FAM171A2: variants seen among roughly 807,000 people sequenced by gnomAD.
The protein encoded by FAM171A2 is family with sequence similarity 171 member A2, also known as protein FAM171A2.
A neutral mutation model predicts 34.2 loss-of-function variants in FAM171A2; 13 were observed. The observed-to-expected ratio is 0.38, with a 90% confidence interval of 0.25 to 0.60. The LOEUF (loss-of-function observed/expected upper bound fraction) is 0.60, where lower values mean the gene tolerates loss of function less well. Ranked by LOEUF, FAM171A2 falls within the 20% of genes least tolerant of loss-of-function variation. The probability of loss-of-function intolerance (pLI) is 0.62; values close to 1 mark genes in which losing one functional copy is unlikely to be tolerated. For missense variants in FAM171A2, 950 were observed against 1,180.7 expected (o/e 0.80, Z 2.86); for synonymous variants, 475 against 561.2 (o/e 0.85, Z 2.17).
intron 3 of FAM171A2, among the ~76,000 whole-genome samples, chr17:44,357,333 G>A (rs1481007276): frequency 1.5e-4 from 21 of 141,900 alleles, no homozygotes; most frequent in African/African-American, 5.3e-4. Flanking sequence ...GGCATCAAGA[G>A]CGAAACTCCA....
chr17:44,358,802 C>T (rs892583608), intron 3 of FAM171A2: 9 of 152,228 alleles, frequency 5.9e-5, no homozygotes, highest in African/African-American at 1.7e-4. Context: ...GCCCTCTAAG[C>T]GGAATGGAGC....
Position 44,363,652 on chromosome 17 carries a change from G to A in FAM171A2, c.63C>T (p.Leu21=), listed in dbSNP as rs2048457573. 7.3e-6 allele frequency: 9 copies of A among 1,228,624 alleles called. No homozygotes were observed. The highest frequency in any genetic ancestry group is 9.1e-6 in the Non-Finnish European group (9 of 985,464). 76.1% of individuals were successfully genotyped at this position (1,228,624 alleles called of 1,614,324 possible). A position where few individuals can be genotyped will look rare whatever the true frequency, so the allele number is the denominator to read the frequency against. ...ARLLPLLGLL[L]GSASRAPGKS... Reference sequence around the variant, plus strand: ...TGCCGGGAGCCCGGGAGGCGCTGCCGAGCAGCAGCCCCAGCAGCGGCAACA... The same window carrying A: ...TGCCGGGAGCCCGGGAGGCGCTGCCAAGCAGCAGCCCCAGCAGCGGCAACA... The change falls in exon 1 of 8, where the codon CTC becomes CTT. Residue 21 remains leucine, a synonymous_variant. Coordinates refer to ENST00000293443, the MANE Select transcript of FAM171A2 (RefSeq NM_198475.3).
rs1442544487 is a variant in FAM171A2, at chr17:44,360,149, G to T, written c.119-17C>A. On this transcript the variant is annotated splice_polypyrimidine_tract_variant and intron_variant, in intron 1 of 7. Coordinates refer to ENST00000293443, the MANE Select transcript of FAM171A2 (RefSeq NM_198475.3). ...TCAGGATCTCTGTGGGCAAGATGGGGCAAAGGGAGTGAGGACGAGGGAGGG... is the reference window on the plus strand; with the variant it reads ...TCAGGATCTCTGTGGGCAAGATGGGTCAAAGGGAGTGAGGACGAGGGAGGG... 1.4e-5 allele frequency: 22 copies of T among 1,545,424 alleles called. No homozygotes were observed. Among genetic ancestry groups the T allele is most frequent in the Non-Finnish European group, 1.9e-5 (22 of 1,141,662 alleles).
At chr17:44,360,158 G>A (rs2048442509) in intron 1 of FAM171A2, 26 bp from the exon 2 acceptor site, 4 of 1,533,916 alleles carry the variant, frequency 2.6e-6, no homozygotes, top group East Asian at 4.9e-5. Flanking sequence ...GGCAAAGGGA[G>A]TGAGGACGAG....
In FAM171A2 at chr17:44,355,591, T is replaced by C. The variant is rs924583062; in HGVS notation, c.1022+124A>G. 1.2e-4 allele frequency: 168 copies of C among 1,365,452 alleles called. No homozygotes were observed. Among genetic ancestry groups the C allele is most frequent in the Non-Finnish European group, 1.6e-4 (158 of 1,007,404 alleles). 84.6% of individuals were successfully genotyped at this position (1,365,452 alleles called of 1,614,324 possible). A position where few individuals can be genotyped will look rare whatever the true frequency, so the allele number is the denominator to read the frequency against. On this transcript the variant is annotated intron_variant, in intron 7 of 7. Transcript: ENST00000293443. This position sits in a 1 kb window ranked among gnomAD's most constrained non-coding sequence, Gnocchi z 4.1. ...CCACCAGCACCAGCCCTTCAGGTCT[T>C]AGCATGTTTGCAGGAAGTCTTTTCC...
Position 44,353,325 on chromosome 17 carries a change from T to C in FAM171A2, c.*408A>G, listed in dbSNP as rs1255324858. On this transcript the variant is annotated 3_prime_UTR_variant, in exon 8 of 8. Coordinates refer to ENST00000293443, the MANE Select transcript of FAM171A2 (RefSeq NM_198475.3). The stretch of plus-strand genomic sequence containing the variant: ...GCCCTGTGACATCGTAGCCCAGAGA[T>C]GGGCTAGTCAGCAAGCAGCACCCCC... 1.7e-5 allele frequency: 3 copies of C among 178,862 alleles called. No individual in the cohort carries two copies. Among genetic ancestry groups the C allele is most frequent in the East Asian group, 3.1e-4 (2 of 6,420 alleles). The allele number at this position is 178,862 out of a possible 1,614,324, so 11.1% of individuals were successfully genotyped here. A position where few individuals can be genotyped will look rare whatever the true frequency, so the allele number is the denominator to read the frequency against.
In FAM171A2 at chr17:44,356,295, G is replaced by A; in HGVS notation, c.656C>T (p.Thr219Ile). 1 of 1,550,844 alleles carries A rather than the reference G, an allele frequency of 6.4e-7. No individual in the cohort carries two copies. The highest frequency in any genetic ancestry group is 2.4e-5 in the East Asian group (1 of 40,880). ...PLTAVSVHLL[T>I]GNGTEVPLSG... ...GAGCGGCACCTCTGTCCCATTACCT[G>A]TCAGCAGGTGCACGCTCACAGCAGT... Residue 219 changes from threonine (T) to isoleucine (I), a missense_variant, in exon 5 of 8, where the codon ACA becomes ATA. By Grantham distance (89) the Thr-to-Ile change is moderately conservative. Around this residue, in one of 3 missense-constraint regions of FAM171A2, gnomAD observed 752 missense variants for 924.5 expected, o/e 0.81. Coordinates refer to ENST00000293443, the MANE Select transcript of FAM171A2 (RefSeq NM_198475.3).
At position 44,363,770 on chromosome 17, in the gene FAM171A2, C is replaced by T. The variant is rs2048458156; in HGVS notation, c.-56G>A. On this transcript the variant is annotated 5_prime_UTR_variant, in exon 1 of 8. Transcript: ENST00000293443. Reference sequence around the variant, plus strand: ...TGGCTCCCGCCTGGTCCCGCTCGCCCGGCCCCGCGCAGCCCCAGCTCTGCG... The same window carrying T: ...TGGCTCCCGCCTGGTCCCGCTCGCCTGGCCCCGCGCAGCCCCAGCTCTGCG... 4 of 848,650 alleles carry T rather than the reference C, an allele frequency of 4.7e-6. No homozygotes were observed. Among genetic ancestry groups the T allele is most frequent in the African/African-American group, 3.6e-5 (2 of 56,134 alleles). The allele number at this position is 848,650 out of a possible 1,614,324, so 52.6% of individuals were successfully genotyped here.
chr17:44,359,686 G>A lies in FAM171A2; in HGVS notation c.347-15C>T, dbSNP rs1302656279. Reference sequence around the variant, plus strand: ...AGACGCATACACTGCGGGAGGGATGGCCGGTCAGCTCCAGGAAAACCCACC... The same window carrying A: ...AGACGCATACACTGCGGGAGGGATGACCGGTCAGCTCCAGGAAAACCCACC... On this transcript the variant is annotated splice_polypyrimidine_tract_variant and intron_variant, in intron 2 of 7. Coordinates refer to ENST00000293443, the MANE Select transcript of FAM171A2 (RefSeq NM_198475.3). 13 of 1,548,038 alleles carry A rather than the reference G, an allele frequency of 8.4e-6. No individual in the cohort carries two copies. The highest frequency in any genetic ancestry group is 1.7e-4 in the Middle Eastern group (1 of 5,930).
intron 3 of FAM171A2, among the ~76,000 whole-genome samples, chr17:44,357,249 A>G (rs938215981): frequency 2.0e-5 from 3 of 151,170 alleles, no homozygotes; most frequent in African/African-American, 7.3e-5. Context: ...CGTGAGGCTG[A>G]GGCAGGAGAA....
Position 44,359,987 on chromosome 17 carries a change from G to A in FAM171A2, c.264C>T (p.Arg88=). The A allele has an allele frequency of 1.9e-6, 3 of 1,551,732 alleles. No homozygotes were observed. The highest frequency in any genetic ancestry group is 1.7e-6 in the Non-Finnish European group (2 of 1,147,000). Residue 88 remains arginine, a synonymous_variant, in exon 2 of 8, where the codon CGC becomes CGT. Transcript: ENST00000293443. ...EGVATLPLSY[R]LGTWVLVTAA... ...CAGTGACCAGCACCCAGGTGCCCAAGCGATAACTGAGGGGCAGGGTGGCCA... is the reference window on the plus strand; with the variant it reads ...CAGTGACCAGCACCCAGGTGCCCAAACGATAACTGAGGGGCAGGGTGGCCA...
At chr17:44,362,992 G>A (rs2048453929) in intron 1 of FAM171A2, among the ~76,000 whole-genome samples, 1 of 152,170 alleles carries the variant, frequency 6.6e-6, no homozygotes, top group Non-Finnish European at 1.5e-5. Context: ...AGGCTCACAA[G>A]CATTTATTTG....
Position 44,354,478 on chromosome 17 carries a change from G to A in FAM171A2, c.1736C>T (p.Pro579Leu). ...APGPARAFPQPDPQRPQMPGH... is the reference protein window; with the variant it reads ...APGPARAFPQLDPQRPQMPGH... ...CGGCATCTGCGGGCGCTGGGGGTCG[G>A]GCTGGGGAAAAGCGCGCGCCGGGCC... is the stretch of plus-strand genomic sequence containing the variant. The change falls in exon 8 of 8, where the codon CCC becomes CTC. Residue 579 changes from proline to leucine, a missense_variant. By Grantham distance (98) the Pro-to-Leu change is moderately conservative (BLOSUM62 -3). Around this residue, in one of 3 missense-constraint regions of FAM171A2, gnomAD observed 752 missense variants for 924.5 expected, o/e 0.81. Transcript: ENST00000293443. This position sits in a 1 kb window ranked among gnomAD's most constrained non-coding sequence, Gnocchi z 5.8. 1 of 1,079,474 alleles carries A rather than the reference G, an allele frequency of 9.3e-7. No homozygotes were observed. The highest frequency in any genetic ancestry group is 1.1e-6 in the Non-Finnish European group (1 of 890,614). The allele number at this position is 1,079,474 out of a possible 1,614,324, so 66.9% of individuals were successfully genotyped here. A position where few individuals can be genotyped will look rare whatever the true frequency, so the allele number is the denominator to read the frequency against.
chr17:44,353,825 G>C lies in FAM171A2; in HGVS notation c.2389C>G (p.Leu797Val), dbSNP rs1452193327. 76 of 1,422,254 alleles carry C rather than the reference G, an allele frequency of 5.3e-5. No homozygotes were observed. The highest frequency in any genetic ancestry group is 7.0e-5 in the Non-Finnish European group (76 of 1,088,546). 88.1% of individuals were successfully genotyped at this position (1,422,254 alleles called of 1,614,324 possible). ...RDSLTSPEDE[L>V]GAEVGDEAGD... ...GCCTCGTCGCCCACCTCCGCCCCCA[G>C]CTCGTCCTCCGGGCTGGTGAGCGAG... Residue 797 changes from leucine to valine, a missense_variant, in exon 8 of 8, where the codon CTG becomes GTG. This residue lies in a region of FAM171A2 where 191 missense variants were observed against 222.8 expected (regional missense o/e 0.86). Transcript: ENST00000293443.
At chr17:44,358,225 G>A (rs1038520335) in intron 3 of FAM171A2, among the ~76,000 whole-genome samples, 1 of 152,182 alleles carries the variant, frequency 6.6e-6, no homozygotes, top group Admixed American at 6.5e-5. Context: ...AGGGCGGCCC[G>A]GGCTCTGGAG....
Position 44,354,137 on chromosome 17 carries a change from G to T in FAM171A2, c.2077C>A (p.His693Asn). The T allele has an allele frequency of 8.4e-7, 1 of 1,190,130 alleles. No homozygotes were observed. Among genetic ancestry groups the T allele is most frequent in the South Asian group, 3.6e-5 (1 of 27,668 alleles). The allele number at this position is 1,190,130 out of a possible 1,614,324, so 73.7% of individuals were successfully genotyped here. Residue 693 changes from histidine (H) to asparagine (N), a missense_variant, in exon 8 of 8, where the codon CAC becomes AAC. Around this residue, in one of 3 missense-constraint regions of FAM171A2, gnomAD observed 191 missense variants for 222.8 expected, o/e 0.86. Coordinates refer to ENST00000293443, the MANE Select transcript of FAM171A2 (RefSeq NM_198475.3). This position sits in a 1 kb window ranked among gnomAD's most constrained non-coding sequence, Gnocchi z 5.8. ...DASLDSGVDV[H>N]EARPARRRPA... ...CGGCGGCGCGCGGGCCGCGCCTCGT[G>T]GACATCTACGCCCGAGTCCAGGCTG...
rs200661205 is a variant in FAM171A2, at chr17:44,360,078, C to T, written c.173G>A (p.Arg58Gln). The change falls in exon 2 of 8, where the codon CGG becomes CAG. Residue 58 changes from arginine to glutamine, a missense_variant. Around this residue, in one of 3 missense-constraint regions of FAM171A2, gnomAD observed 752 missense variants for 924.5 expected, o/e 0.81. Transcript: ENST00000293443. ...YVSGELVPLA[R>Q]ASVDVFGNRT... ...GTTCCCAAACACATCCACTGAGGCC[C>T]GGGCCAGGGGCACCAGCTCCCCGCT... is the stretch of plus-strand genomic sequence containing the variant. 2.2e-4 allele frequency: 340 copies of T among 1,551,714 alleles called. No individual in the cohort carries two copies. Among genetic ancestry groups the T allele is most frequent in the Non-Finnish European group, 2.4e-4 (272 of 1,147,010 alleles).
rs1342964411 is a variant in FAM171A2, at chr17:44,354,344, C to T, written c.1870G>A (p.Glu624Lys). ...GSVTIPVLFN[E>K]STMAQLNGEL... Reference sequence around the variant, plus strand: ...CCGTTGAGCTGCGCCATGGTGGACTCGTTGAATAGCACAGGGATGGTGACT... The same window carrying T: ...CCGTTGAGCTGCGCCATGGTGGACTTGTTGAATAGCACAGGGATGGTGACT... Residue 624 changes from glutamate to lysine, a missense_variant, in exon 8 of 8, where the codon GAG becomes AAG. Physicochemically the swap from Glu to Lys is moderately conservative, Grantham distance 56. Around this residue, in one of 3 missense-constraint regions of FAM171A2, gnomAD observed 752 missense variants for 924.5 expected, o/e 0.81. Coordinates refer to ENST00000293443, the MANE Select transcript of FAM171A2 (RefSeq NM_198475.3). This position sits in a 1 kb window ranked among gnomAD's most constrained non-coding sequence, Gnocchi z 5.8. The T allele has an allele frequency of 3.5e-6, 5 of 1,434,484 alleles. No individual in the cohort carries two copies. Among genetic ancestry groups the T allele is most frequent in the Non-Finnish European group, 4.6e-6 (5 of 1,080,984 alleles). The allele number at this position is 1,434,484 out of a possible 1,614,324, so 88.9% of individuals were successfully genotyped here.
Position 44,355,882 on chromosome 17 carries a change from T to C in FAM171A2, c.896-41A>G, listed in dbSNP as rs1180119661. The C allele has an allele frequency of 1.9e-6, 3 of 1,549,920 alleles. No homozygotes were observed. The Admixed American group carries it at 5.9e-5, about 30-fold the overall frequency. On this transcript the variant is annotated intron_variant, in intron 6 of 7. Coordinates refer to ENST00000293443, the MANE Select transcript of FAM171A2 (RefSeq NM_198475.3). The surrounding 1 kb of genome is among the most constrained non-coding windows in gnomAD (Gnocchi z 4.1). The stretch of plus-strand genomic sequence containing the variant: ...GCTTAGCGTTCAGGTGTAGACACCC[T>C]TCCTGCCTTTCAGAAGTCTGCTCTC...
Sources: allele counts gnomAD v4.1 joint callset (sites outside exome capture counted in the v4.1 genomes callset), GRCh38; gene constraint gnomAD v4.1.1; regional missense constraint gnomAD v4.1.1; non-coding constraint Gnocchi (gnomAD v3.1); transcripts MANE v1.5; gene names NCBI Gene and HGNC (gene_info 2026-07-23, HGNC 2026-07-21).